MYO18B: variants seen among roughly 807,000 people sequenced by gnomAD.
The protein encoded by MYO18B is myosin XVIIIB.
Under a neutral mutation model 273.0 loss-of-function variants are expected in MYO18B, and 204 were observed. That is an observed-to-expected ratio of 0.75 (90% CI 0.67 to 0.84). MYO18B has a LOEUF of 0.84. Ranked by LOEUF, MYO18B falls within the 40% of genes least tolerant of loss-of-function variation. The pLI, the probability that MYO18B is intolerant of heterozygous loss-of-function variation, is 0.00. For missense variants in MYO18B, 3,212 were observed against 3,287.6 expected (o/e 0.98, Z 0.56); for synonymous variants, 1,330 against 1,305.7 (o/e 1.02, Z -0.40).
chr22:25,896,058 G>A (rs1206244260), intron 28 of MYO18B, among the ~76,000 whole-genome samples: 1 of 151,928 alleles, frequency 6.6e-6, no homozygotes, highest in Non-Finnish European at 1.5e-5. Flanking sequence ...TGATAACAGG[G>A]TCGTGGGTGT....
rs182934081 is a variant in MYO18B at position 25,838,755 on chromosome 22, G to A, written c.3208+3312G>A. ...GCATGCCCTATGGTATTCCCACAAG[G>A]ACCGAATCACCTAACGATGCAGTTC... On this transcript the variant is annotated intron_variant, in intron 17 of 43. Transcript: ENST00000335473. 8.5e-5 allele frequency among the ~76,000 whole-genome samples: 13 copies of A among 152,204 alleles called. No individual in the cohort carries two copies. In the South Asian group the frequency reaches 2.3e-3, roughly 27 times the overall value.
In MYO18B at chr22:25,950,550, G is replaced by GTGTGTGTGTGTGTGTGTGTA; in HGVS notation, c.5832+101_5832+102insGTGTGTGTGTGTGTGTGTAT. The GTGTGTGTGTGTGTGTGTGTA allele has an allele frequency of 9.5e-6, 7 of 740,506 alleles. No homozygotes were observed. In the East Asian group the frequency reaches 2.1e-4, roughly 22 times the overall value. The allele number at this position is 740,506 out of a possible 1,614,324, so 45.9% of individuals were successfully genotyped here. ...TGTGTGTGTGTGTGTGTGTGTGTGT[G>GTGTGTGTGTGTGTGTGTGTA]TATGAGTTTATTGTTTGTTTATTTG... On this transcript the variant is annotated intron_variant, in intron 37 of 43. Coordinates refer to ENST00000335473, the MANE Select transcript of MYO18B (RefSeq NM_032608.7).
At chr22:25,850,888 A>G (rs1325035106) in intron 20 of MYO18B, among the ~76,000 whole-genome samples, 2 of 152,130 alleles carry the variant, frequency 1.3e-5, no homozygotes, top group Non-Finnish European at 2.9e-5. Flanking sequence ...CAAAAACTGA[A>G]TCTAATGTCA....
chr22:25,770,592 G>C (rs2086682489), intron 5 of MYO18B, among the ~76,000 whole-genome samples: 1 of 152,162 alleles, frequency 6.6e-6, no homozygotes, highest in African/African-American at 2.4e-5. Context: ...CTGTGTGTGA[G>C]ATAGGCCAGT....
intron 32 of MYO18B, among the ~76,000 whole-genome samples, 166 bp downstream of exon 32, chr22:25,908,598 G>A (rs1454593051): frequency 1.3e-5 from 2 of 152,024 alleles, no homozygotes; most frequent in African/African-American, 2.4e-5. Context: ...GTGTAGGAGC[G>A]GAAATGCCCA....
At chr22:26,059,699 T>C in the MYO18B span, among the ~76,000 whole-genome samples, 2 of 152,320 alleles carry the variant, frequency 1.3e-5, no homozygotes, top group South Asian at 4.1e-4. Flanking sequence ...AAGAATGCAT[T>C]GTATAGAATT....
At position 26,020,943 on chromosome 22, in the gene MYO18B, G is replaced by A. The variant is rs546852273; in HGVS notation, c.6471-5502G>A. 2.0e-3 allele frequency among the ~76,000 whole-genome samples: 298 copies of A among 152,094 alleles called. 1 individual carries two copies. The highest frequency in any genetic ancestry group is 3.2e-3 in the Non-Finnish European group (220 of 68,032). On this transcript the variant is annotated intron_variant, in intron 42 of 43. Transcript: ENST00000335473. Reference sequence around the variant, plus strand: ...ATCTCTACTAAAAATACAAAAATTAGCCTGGCATGGTGGTGTGCACCTGTA... The same window carrying A: ...ATCTCTACTAAAAATACAAAAATTAACCTGGCATGGTGGTGTGCACCTGTA...
chr22:25,746,990 T>C (rs2085798445), intron 1 of MYO18B, among the ~76,000 whole-genome samples: 1 of 152,094 alleles, frequency 6.6e-6, no homozygotes, highest in East Asian at 1.9e-4. Context: ...GGCGTGGTGA[T>C]GGACACCTGT....
intron 39 of MYO18B, among the ~76,000 whole-genome samples, chr22:25,976,512 C>T (rs188123561): frequency 6.6e-6 from 1 of 152,292 alleles, no homozygotes; most frequent in East Asian, 1.9e-4. Flanking sequence ...AGATGGAAAC[C>T]AATCAGGTCC....
At chr22:25,999,985 G>A (rs1166998769) in intron 40 of MYO18B, among the ~76,000 whole-genome samples, 5 of 152,152 alleles carry the variant, frequency 3.3e-5, no homozygotes, top group African/African-American at 2.4e-5. Flanking sequence ...CTTGCACCAA[G>A]GGGAGAGAAA....
At chr22:25,908,842 T>C (rs1385561378) in intron 32 of MYO18B, among the ~76,000 whole-genome samples, 2 of 152,230 alleles carry the variant, frequency 1.3e-5, no homozygotes, top group African/African-American at 4.8e-5. Flanking sequence ...AATAACCCCT[T>C]GACATGTTAT....
At chr22:25,849,044 GGA>G (rs1350213550) in intron 20 of MYO18B, among the ~76,000 whole-genome samples, 1 of 152,240 alleles carries the variant, frequency 6.6e-6, no homozygotes, top group African/African-American at 2.4e-5. Context: ...CGCAGAGGAG[GGA>G]GACAGATAAT....
At chr22:25,864,787 GA>G (rs2090839527) in intron 21 of MYO18B, among the ~76,000 whole-genome samples, 1 of 152,186 alleles carries the variant, frequency 6.6e-6, no homozygotes, top group Non-Finnish European at 1.5e-5. Context: ...AAAACAGACT[GA>G]AAACTGTGTT....
At chr22:25,919,494 T>C (rs1270846752) in intron 33 of MYO18B, among the ~76,000 whole-genome samples, 1 of 152,158 alleles carries the variant, frequency 6.6e-6, no homozygotes, top group Non-Finnish European at 1.5e-5. Context: ...CTATAAAGTG[T>C]TTAGAATAGT....
intron 17 of MYO18B, among the ~76,000 whole-genome samples, chr22:25,840,093 C>T (rs1438342519): frequency 3.3e-5 from 5 of 152,210 alleles, no homozygotes; most frequent in Admixed American, 2.0e-4. Context: ...CCCTTGCCAG[C>T]TCTGTGAAGT....
chr22:25,781,970 C>A, intron 10 of MYO18B, 136 bp downstream of exon 10: 1 of 576,268 alleles, frequency 1.7e-6, no homozygotes, highest in Non-Finnish European at 2.7e-6. Flanking sequence ...GCGTCCGATT[C>A]CAGCTGTCTG....
chr22:26,040,875 T>C, the MYO18B span, among the ~76,000 whole-genome samples: 6 of 152,188 alleles, frequency 3.9e-5, no homozygotes, highest in Non-Finnish European at 8.8e-5. Context: ...TGTAGGACTT[T>C]GTAAAAATGT....
At chr22:25,798,640 G>T (rs991418399) in intron 12 of MYO18B, among the ~76,000 whole-genome samples, 23 of 152,084 alleles carry the variant, frequency 1.5e-4, no homozygotes, top group South Asian at 2.1e-4. Context: ...GCTCACTGCA[G>T]CTTCCACCTC....
At chr22:25,927,820 C>T (rs1009802493) in intron 34 of MYO18B, among the ~76,000 whole-genome samples, 1 of 152,034 alleles carries the variant, frequency 6.6e-6, no homozygotes, top group Non-Finnish European at 1.5e-5. Flanking sequence ...CTCAAGCTGG[C>T]TGACTCTTAA....
Sources: gnomAD v4.1 joint callset for allele counts (sites outside exome capture counted in the v4.1 genomes callset) on GRCh38, gnomAD v4.1.1 for gene constraint, MANE v1.5 for transcripts, NCBI Gene and HGNC (gene_info 2026-07-23, HGNC 2026-07-21) for gene names.